The following PRIM2 variants were observed in gnomAD, a reference collection of about 807,000 sequenced individuals.
The protein encoded by PRIM2 is DNA primase large subunit.
Under a neutral mutation model 67.3 loss-of-function variants are expected in PRIM2, and 39 were observed. The ratio of observed to expected loss-of-function variants is 0.58; its 90% CI spans 0.45 to 0.76. The LOEUF is 0.76. Ranked by LOEUF, PRIM2 falls within the 30% of genes least tolerant of loss-of-function variation. The probability of loss-of-function intolerance (pLI) is 0.00; values close to 1 mark genes in which losing one functional copy is unlikely to be tolerated. For missense variants in PRIM2, 398 were observed against 598.7 expected (o/e 0.66, Z 3.50); for synonymous variants, 143 against 198.7 (o/e 0.72, Z 2.36).
intron 13 of PRIM2, among the ~76,000 whole-genome samples, chr6:57,638,780 A>C (rs1777172681): frequency 6.6e-6 from 1 of 152,122 alleles, no homozygotes. Flanking sequence ...AGAGATGTAC[A>C]AAGAGACGTA....
At chr6:57,582,548 A>C (rs1776106824) in intron 10 of PRIM2, among the ~76,000 whole-genome samples, 3 of 152,168 alleles carry the variant, frequency 2.0e-5, no homozygotes, top group African/African-American at 7.2e-5. Context: ...AAACTGGATA[A>C]GTAATATGAG....
At chr6:57,271,071 A>G in the PRIM2 span, among the ~76,000 whole-genome samples, 1 of 152,216 alleles carries the variant, frequency 6.6e-6, no homozygotes, top group African/African-American at 2.4e-5. Flanking sequence ...TTCATCAGGG[A>G]TATCGGTCTA....
the PRIM2 span, among the ~76,000 whole-genome samples, chr6:57,271,542 TGGTC>T: frequency 1.3e-5 from 2 of 152,182 alleles, no homozygotes; most frequent in African/African-American, 4.8e-5. Flanking sequence ...GTCTTGCTCG[TGGTC>T]TATCAATTTT....
intron 7 of PRIM2, among the ~76,000 whole-genome samples, chr6:57,407,927 A>G (rs1337556003): frequency 2.6e-5 from 4 of 152,224 alleles, no homozygotes; most frequent in Admixed American, 2.0e-4. Context: ...GGTTATTTGC[A>G]TGAATTTTGC....
At chr6:57,337,714 T>G (rs1036711329) in intron 5 of PRIM2, among the ~76,000 whole-genome samples, 1 of 150,490 alleles carries the variant, frequency 6.6e-6, no homozygotes, top group Non-Finnish European at 1.5e-5. Context: ...CAAAGCAGTG[T>G]GTAGAGGGAA....
At chr6:57,268,321 G>A in the PRIM2 span, among the ~76,000 whole-genome samples, 2 of 151,858 alleles carry the variant, frequency 1.3e-5, no homozygotes, top group African/African-American at 4.9e-5. Context: ...TAGGATATAA[G>A]AATATTAAAT....
intron 5 of PRIM2, among the ~76,000 whole-genome samples, chr6:57,347,062 C>T (rs568169116): frequency 6.6e-5 from 10 of 152,300 alleles, no homozygotes; most frequent in Admixed American, 3.9e-4. Flanking sequence ...TGCTGTACTT[C>T]GGCTATTGAT....
chr6:57,369,175 C>G (rs1258250259), intron 5 of PRIM2, among the ~76,000 whole-genome samples: 2 of 152,086 alleles, frequency 1.3e-5, no homozygotes, highest in African/African-American at 2.4e-5. Flanking sequence ...CATCCACTAC[C>G]CTTCTATTTA....
chr6:57,343,344 T>A (rs1472227283), intron 5 of PRIM2, among the ~76,000 whole-genome samples: 1 of 152,236 alleles, frequency 6.6e-6, no homozygotes, highest in Non-Finnish European at 1.5e-5. Flanking sequence ...CATGCATTGA[T>A]ATACATGACT....
At chr6:57,624,436 A>G (rs1424569365) in intron 12 of PRIM2, among the ~76,000 whole-genome samples, 2 of 152,236 alleles carry the variant, frequency 1.3e-5, no homozygotes, top group Non-Finnish European at 2.9e-5. Context: ...CCTAACTACA[A>G]TAGAGTATGA....
At chr6:57,417,001 C>G (rs1771285990) in intron 7 of PRIM2, among the ~76,000 whole-genome samples, 1 of 148,832 alleles carries the variant, frequency 6.7e-6, no homozygotes, top group East Asian at 2.0e-4. Context: ...GAGTCTTGCT[C>G]TGTCACTCAG....
At chr6:57,402,119 T>C (rs1341006605) in intron 7 of PRIM2, among the ~76,000 whole-genome samples, 1 of 152,172 alleles carries the variant, frequency 6.6e-6, no homozygotes, top group Non-Finnish European at 1.5e-5. Context: ...GGCTGGCCAC[T>C]TTTCCATAGG....
chr6:57,370,835 A>T (rs570727141), intron 5 of PRIM2, among the ~76,000 whole-genome samples: 2 of 151,672 alleles, frequency 1.3e-5, no homozygotes, highest in South Asian at 4.2e-4. Flanking sequence ...AGTAGCTGGG[A>T]TTACAGCGTG....
At chr6:57,464,921 G>A (rs1454994978) in intron 7 of PRIM2, among the ~76,000 whole-genome samples, 5 of 152,120 alleles carry the variant, frequency 3.3e-5, no homozygotes, top group African/African-American at 1.2e-4. Context: ...AGATAAGAAA[G>A]TTGAGACTCA....
At chr6:57,525,056 C>T (rs1774717298) in intron 8 of PRIM2, among the ~76,000 whole-genome samples, 1 of 151,734 alleles carries the variant, frequency 6.6e-6, no homozygotes, top group Non-Finnish European at 1.5e-5. Flanking sequence ...CCGAATTTCT[C>T]CCCCACCCCC....
intron 7 of PRIM2, among the ~76,000 whole-genome samples, chr6:57,470,231 A>G (rs1264559403): frequency 9.2e-5 from 14 of 151,538 alleles, no homozygotes; most frequent in Non-Finnish European, 2.1e-4. Context: ...ATTTGAAAAC[A>G]ATTATTTCCT....
At chr6:57,603,307 A>G (rs1167193176) in intron 11 of PRIM2, among the ~76,000 whole-genome samples, 93 of 152,304 alleles carry the variant, frequency 6.1e-4, no homozygotes, top group African/African-American at 2.2e-3. Flanking sequence ...GTCATGTCCA[A>G]TCTACTGATG....
the PRIM2 span, among the ~76,000 whole-genome samples, chr6:57,307,134 G>A: frequency 6.6e-6 from 1 of 152,000 alleles, no homozygotes; most frequent in Non-Finnish European, 1.5e-5. Context: ...AGGAGGCACA[G>A]GTTGCAGTGA....
intron 7 of PRIM2, among the ~76,000 whole-genome samples, chr6:57,433,986 G>A (rs1227714879): frequency 2.7e-5 from 4 of 149,564 alleles, no homozygotes; most frequent in Admixed American, 6.7e-5. Flanking sequence ...GTGCAGTGGC[G>A]CAATCTCAGC....
Sources: allele counts gnomAD v4.1 joint callset (sites outside exome capture counted in the v4.1 genomes callset), GRCh38; gene constraint gnomAD v4.1.1; transcripts MANE v1.5; gene names NCBI Gene and HGNC (gene_info 2026-07-23, HGNC 2026-07-21).